MTCL1: variants seen among roughly 807,000 people sequenced by gnomAD.
The protein encoded by MTCL1 is microtubule cross-linking factor 1.
MTCL1 carries 79 observed loss-of-function variants against 141.4 expected under a neutral mutation model. The ratio of observed to expected loss-of-function variants is 0.56; its 90% confidence interval spans 0.47 to 0.67. The LOEUF (loss-of-function observed/expected upper bound fraction) is 0.67, where lower values mean the gene tolerates loss of function less well. MTCL1 is among the 30% of genes least tolerant of loss of function. The pLI is 0.00. For missense variants in MTCL1, 2,177 were observed against 2,113.9 expected (o/e 1.03, Z -0.59); for synonymous variants, 914 against 875.8 (o/e 1.04, Z -0.77).
At chr18:8,811,711 C>A (rs2076492720) in intron 11 of MTCL1, among the ~76,000 whole-genome samples, 1 of 152,144 alleles carries the variant, frequency 6.6e-6, no homozygotes, top group South Asian at 2.1e-4. Context: ...AAGCACTGAG[C>A]TGCCATTTCT....
chr18:8,813,209 G>A (rs1335869808), exon 12 of MTCL1: 2 of 1,611,522 alleles, frequency 1.2e-6, no homozygotes, highest in Non-Finnish European at 1.7e-6. Flanking sequence ...GGCAGAAGAA[G>A]GAATTCTTGT....
intron 4 of MTCL1, among the ~76,000 whole-genome samples, chr18:8,776,187 G>A (rs913986354): frequency 1.3e-5 from 2 of 152,176 alleles, no homozygotes; most frequent in Non-Finnish European, 2.9e-5. Context: ...GGGGAGGGAG[G>A]TGGGCGTTGG....
At chr18:8,712,990 A>G (rs140099779), upstream of MTCL1, among the ~76,000 whole-genome samples, 539 of 152,250 alleles carry the variant, frequency 3.5e-3, 2 homozygotes, top group African/African-American at 0.012. Context: ...AAGAGTTTTC[A>G]TCACTTATAC....
At position 8,824,274 on chromosome 18, in the gene MTCL1, C is replaced by T. The variant is rs905758507; in HGVS notation, c.3189-425C>T. On this transcript the variant is annotated intron_variant, in intron 14 of 16. Transcript: ENST00000359865. The stretch of plus-strand genomic sequence containing the variant: ...GTGCTAACACATGGAAGAATCCACA[C>T]CAAATCTGTGTCCATCAGGTGGCAG... Among the ~76,000 whole-genome samples the T allele has an allele frequency of 4.7e-4, 72 of 152,238 alleles. 1 individual carries two copies. The highest frequency in any genetic ancestry group is 7.1e-4 in the Non-Finnish European group (48 of 68,036).
At chr18:8,706,665 G>A (rs555182880) in exon 1 of MTCL1, 5 of 1,546,520 alleles carry the variant, frequency 3.2e-6, no homozygotes, top group Non-Finnish European at 4.4e-6. Context: ...AGGAAGAAGA[G>A]CTGCTGCGGG....
intron 4 of MTCL1, among the ~76,000 whole-genome samples, chr18:8,772,710 C>G (rs886921039): frequency 6.6e-6 from 1 of 151,504 alleles, no homozygotes; most frequent in Non-Finnish European, 1.5e-5. Flanking sequence ...ATATTTTAAG[C>G]ATTTTGAGAT....
chr18:8,796,571 C>G, intron 9 of MTCL1, 109 bp downstream of exon 8: 1 of 1,133,020 alleles, frequency 8.8e-7, no homozygotes, highest in Non-Finnish European at 1.2e-6. Context: ...TATTTTATTT[C>G]TCAATATTTG....
In MTCL1 at chr18:8,825,582, G is replaced by A. The variant is rs116331286; in HGVS notation, c.4072G>A (p.Val1358Met). ...AAAGGCTGGGGGCGGTGCTACACCC[G>A]TGTCGTCTCCTTCCCGGAGCCTTAG... Residue 1358 changes from valine to methionine, a missense_variant, in exon 15 of 17, where the codon GTG becomes ATG. By Grantham distance (21) the Val-to-Met change is conservative. Transcript: ENST00000359865. The A allele has an allele frequency of 6.9e-5, 112 of 1,613,520 alleles. No individual in the cohort carries two copies. The highest frequency in any genetic ancestry group is 8.1e-5 in the Non-Finnish European group (95 of 1,179,926).
At chr18:8,786,154 G>A (rs1489582379) in intron 7 of MTCL1, 63 bp downstream of exon 6, 4 of 1,508,102 alleles carry the variant, frequency 2.7e-6, no homozygotes, top group Non-Finnish European at 3.6e-6. Context: ...GTGGCTGGCT[G>A]TGTGACGTTT....
At chr18:8,821,629 G>A (rs763080289) in intron 14 of MTCL1, 131 bp downstream of exon 13, 116 of 516,340 alleles carry the variant, frequency 2.2e-4, no homozygotes, top group Non-Finnish European at 4.0e-4. Flanking sequence ...TTCTGAAGAA[G>A]TGGCTGCTTT....
Position 8,786,110 on chromosome 18 carries a change from T to TCCGC in MTCL1, c.1887+21_1887+22insGCCC, listed in dbSNP as rs1555655918. 2.3e-6 allele frequency: 3 copies of TCCGC among 1,310,330 alleles called. No homozygotes were observed. The highest frequency in any genetic ancestry group is 1.3e-5 in the South Asian group (1 of 77,210). 81.2% of individuals were successfully genotyped at this position (1,310,330 alleles called of 1,614,324 possible). A position where few individuals can be genotyped will look rare whatever the true frequency, so the allele number is the denominator to read the frequency against. The stretch of plus-strand genomic sequence containing the variant: ...CCTGGAGGTCAGCGTGGGCAAGCAA[T>TCCGC]CCCCCCCCCCCGCCCTCCCCCTCCT... On this transcript the variant is annotated intron_variant, in intron 7 of 16. Coordinates refer to ENST00000359865, the Ensembl canonical transcript of MTCL1.
rs911586996 is a variant in MTCL1 at position 8,751,924 on chromosome 18, A to G, written c.358-25909A>G. On this transcript the variant is annotated intron_variant, in intron 4 of 16. Transcript: ENST00000359865. ...ACGCGGAAAAGAAACGTTTAAGGCC[A>G]AGCTGCTGCAGACTGCACTTTCACT... is the stretch of plus-strand genomic sequence containing the variant. 5.9e-5 allele frequency among the ~76,000 whole-genome samples: 9 copies of G among 152,214 alleles called. No individual in the cohort carries two copies. In the East Asian group the frequency reaches 1.5e-3, roughly 26 times the overall value.
intron 12 of MTCL1, among the ~76,000 whole-genome samples, chr18:8,818,043 G>A (rs995658012): frequency 6.6e-6 from 1 of 152,176 alleles, no homozygotes; most frequent in African/African-American, 2.4e-5. Flanking sequence ...CCCTTCCTGA[G>A]CCACCTCCAC....
chr18:8,784,212 A>G, exon 6 of MTCL1: 1 of 1,612,282 alleles, frequency 6.2e-7, no homozygotes, highest in Non-Finnish European at 8.5e-7. Flanking sequence ...TCCAACATCC[A>G]GCGCTGCGAC....
exon 6 of MTCL1, chr18:8,784,273 C>T (rs575618091): frequency 1.6e-5 from 25 of 1,596,764 alleles, no homozygotes; most frequent in South Asian, 1.1e-4. Flanking sequence ...ACAGCGATGC[C>T]GAGAGTGATG....
intron 4 of MTCL1, among the ~76,000 whole-genome samples, chr18:8,725,174 A>C (rs551947410): frequency 6.6e-6 from 1 of 152,200 alleles, no homozygotes; most frequent in South Asian, 2.1e-4. Flanking sequence ...CAGGTTAGCC[A>C]GCACTTATAC....
chr18:8,832,699 C>A (rs1036337197), exon 17 of MTCL1: 1 of 152,102 alleles, frequency 6.6e-6, no homozygotes, highest in African/African-American at 2.4e-5. Flanking sequence ...CACAAGGATA[C>A]CAAATGGAAA....
intron 4 of MTCL1, among the ~76,000 whole-genome samples, chr18:8,775,061 T>C (rs113551427): frequency 4.7e-4 from 71 of 152,266 alleles, no homozygotes; most frequent in African/African-American, 1.7e-3. Context: ...TGATTCTGCG[T>C]AGATTTTGTC....
rs17405572 is a variant in MTCL1, at chr18:8,810,900, C to G, written c.2605-2079C>G. ...TCTCTCCAAGCAGGCCTGAGTTCCA[C>G]TAAGATTCAGGGACAAAACAGTGTG... On this transcript the variant is annotated intron_variant, in intron 11 of 16. Transcript: ENST00000359865. This position sits in a 1 kb window ranked among gnomAD's most constrained non-coding sequence, Gnocchi z 5.0. Among the ~76,000 whole-genome samples the G allele has an allele frequency of 0.25, 38,248 of 152,068 alleles. 5,237 individuals are homozygous for G. Among genetic ancestry groups the G allele is most frequent in the Middle Eastern group, 0.33 (96 of 294 alleles).
Sources: gnomAD v4.1 joint callset for allele counts (sites outside exome capture counted in the v4.1 genomes callset) on GRCh38, gnomAD v4.1.1 for gene constraint, Gnocchi (gnomAD v3.1) non-coding constraint, MANE v1.5 for transcripts, NCBI Gene and HGNC (gene_info 2026-07-23, HGNC 2026-07-21) for gene names.